The following PLBD2 variants were observed in gnomAD, a reference collection of about 807,000 sequenced individuals.
PLBD2 encodes the protein putative aminopeptidase PLBD2.
Under a neutral mutation model 68.3 loss-of-function variants are expected in PLBD2, and 51 were observed. The observed-to-expected ratio is 0.75, with a 90% confidence interval of 0.60 to 0.94. The LOEUF is 0.94. Among genes scored for constraint, PLBD2 ranks in the 40% least tolerant of loss-of-function variants. The pLI, the probability that PLBD2 is intolerant of heterozygous loss-of-function variation, is 0.00. For missense variants in PLBD2, 729 were observed against 792.2 expected (o/e 0.92, Z 0.96); for synonymous variants, 314 against 339.3 (o/e 0.93, Z 0.82).
chr12:113,389,234 T>C lies in PLBD2; in HGVS notation c.*608T>C, dbSNP rs902364426. On this transcript the variant is annotated 3_prime_UTR_variant, in exon 12 of 12. Transcript: ENST00000280800. ...CCATCTGTGGCTGGAGGGTTCTGAA[T>C]GTCCTCTCTCCATGTCAGGCAGAGG... The C allele has an allele frequency of 2.6e-5, 4 of 152,688 alleles. No homozygotes were observed. The highest frequency in any genetic ancestry group is 9.7e-5 in the African/African-American group (4 of 41,424). 9.5% of individuals were successfully genotyped at this position (152,688 alleles called of 1,614,324 possible). A position where few individuals can be genotyped will look rare whatever the true frequency, so the allele number is the denominator to read the frequency against.
intron 3 of PLBD2, among the ~76,000 whole-genome samples, chr12:113,373,139 G>A (rs1957404485): frequency 6.6e-6 from 1 of 152,220 alleles, no homozygotes. Flanking sequence ...GATTACATTG[G>A]ATGCAAGTAA....
intron 6 of PLBD2, among the ~76,000 whole-genome samples, chr12:113,382,447 AT>A (rs111407528): frequency 9.4e-5 from 14 of 148,360 alleles, no homozygotes; most frequent in Admixed American, 1.4e-4. Context: ...AAATTTCAGG[AT>A]TTTTTTTTTT....
chr12:113,367,748 CAAAAAA>C (rs563757349), intron 1 of PLBD2, among the ~76,000 whole-genome samples: 2 of 64,290 alleles, frequency 3.1e-5, no homozygotes, highest in African/African-American at 1.1e-4. Flanking sequence ...GATGCTGTCT[CAAAAAA>C]AAAAAAAAAA....
intron 1 of PLBD2, among the ~76,000 whole-genome samples, chr12:113,360,640 A>G (rs7973331): frequency 6.6e-6 from 1 of 152,284 alleles, no homozygotes; most frequent in South Asian, 2.1e-4. Flanking sequence ...CACAGAAAGC[A>G]CTGTTTATTT....
chr12:113,373,191 C>T (rs1012806073), intron 3 of PLBD2, among the ~76,000 whole-genome samples: 3 of 152,178 alleles, frequency 2.0e-5, no homozygotes, highest in Non-Finnish European at 2.9e-5. Flanking sequence ...CCAGAAAATC[C>T]CAGAAAGTCT....
rs1419288544 is a variant in PLBD2 at position 113,389,071 on chromosome 12, G to A, written c.*445G>A. ...GCCCTGGAGCTGGTGAGCTTTGTCT[G>A]GGCGTTGTCTTCGGCTGGCATTGCT... On this transcript the variant is annotated 3_prime_UTR_variant, in exon 12 of 12. Transcript: ENST00000280800. 6.5e-6 allele frequency: 1 copy of A among 154,310 alleles called. No individual in the cohort carries two copies. Among genetic ancestry groups the A allele is most frequent in the African/African-American group, 2.4e-5 (1 of 41,554 alleles). 9.6% of individuals were successfully genotyped at this position (154,310 alleles called of 1,614,324 possible).
At chr12:113,373,728 C>T (rs1957410490) in intron 3 of PLBD2, among the ~76,000 whole-genome samples, 1 of 151,116 alleles carries the variant, frequency 6.6e-6, no homozygotes, top group Non-Finnish European at 1.5e-5. Context: ...TCCACCCACC[C>T]ACCCACTCAC....
chr12:113,384,355 G>A lies in PLBD2; in HGVS notation c.1118+90G>A. On this transcript the variant is annotated intron_variant, in intron 7 of 11. Transcript: ENST00000280800. This position sits in a 1 kb window ranked among gnomAD's most constrained non-coding sequence, Gnocchi z 4.2. ...ACTCACACTCCTGGGGACCAGATGTGGCATCCGGGCCACACACCCCACGCC... is the reference window on the plus strand; with the variant it reads ...ACTCACACTCCTGGGGACCAGATGTAGCATCCGGGCCACACACCCCACGCC... The A allele has an allele frequency of 1.4e-5, 20 of 1,467,034 alleles. No individual in the cohort carries two copies. The South Asian group carries it at 2.4e-4, about 17-fold the overall frequency. The allele number at this position is 1,467,034 out of a possible 1,614,324, so 90.9% of individuals were successfully genotyped here.
intron 1 of PLBD2, among the ~76,000 whole-genome samples, chr12:113,362,824 A>T (rs1407261372): frequency 2.0e-5 from 3 of 150,454 alleles, no homozygotes; most frequent in African/African-American, 7.3e-5. Context: ...CTGCTCTGTT[A>T]CCCAGGCTGG....
At chr12:113,359,905 G>A (rs535070782) in intron 1 of PLBD2, among the ~76,000 whole-genome samples, 1 of 152,172 alleles carries the variant, frequency 6.6e-6, no homozygotes, top group African/African-American at 2.4e-5. Flanking sequence ...TAGGGAACCC[G>A]GGGTGCATCC....
At chr12:113,364,823 C>T (rs1351081942) in intron 1 of PLBD2, among the ~76,000 whole-genome samples, 1 of 152,062 alleles carries the variant, frequency 6.6e-6, no homozygotes, top group African/African-American at 2.4e-5. Flanking sequence ...TCTCCTGGCA[C>T]ATGCCACAGC....
chr12:113,384,903 C>T lies in PLBD2; in HGVS notation c.1171C>T (p.Pro391Ser), dbSNP rs1267503394. 1.2e-6 allele frequency: 2 copies of T among 1,613,868 alleles called. No homozygotes were observed. The highest frequency in any genetic ancestry group is 2.7e-5 in the African/African-American group (2 of 74,940). ...VDYKAFIPGG[P>S]SPGSRVLTIL... is the part of the protein sequence containing the mutation. Reference sequence around the variant, plus strand: ...CTACAAGGCGTTCATCCCGGGTGGGCCCAGCCCCGGGAGCCGGGTGCTTAC... The same window carrying T: ...CTACAAGGCGTTCATCCCGGGTGGGTCCAGCCCCGGGAGCCGGGTGCTTAC... The change falls in exon 8 of 12, where the codon CCC (proline) becomes TCC (serine). Residue 391 changes from proline (P) to serine (S), a missense_variant. Coordinates refer to ENST00000280800, the MANE Select transcript of PLBD2 (RefSeq NM_173542.4). This position sits in a 1 kb window ranked among gnomAD's most constrained non-coding sequence, Gnocchi z 4.2.
intron 3 of PLBD2, among the ~76,000 whole-genome samples, 169 bp from the exon 4 acceptor site, chr12:113,374,305 G>A (rs1407269555): frequency 6.6e-6 from 1 of 152,158 alleles, no homozygotes; most frequent in Non-Finnish European, 1.5e-5. Context: ...GCTCAGCATG[G>A]AGGGGTGGGT....
At chr12:113,370,129 A>G (rs954095845) in intron 2 of PLBD2, among the ~76,000 whole-genome samples, 1 of 152,034 alleles carries the variant, frequency 6.6e-6, no homozygotes, top group African/African-American at 2.4e-5. Context: ...CAAACTCCTG[A>G]CCTCAAGTGA....
At position 113,387,064 on chromosome 12, in the gene PLBD2, A is replaced by G. The variant is rs1475208531; in HGVS notation, c.1414A>G (p.Met472Val). Residue 472 changes from methionine to valine, a missense_variant, in exon 10 of 12, where the codon ATG becomes GTG. Transcript: ENST00000280800. ...FRRNQSLVQD[M>V]DSMVRLMRYN... Reference sequence around the variant, plus strand: ...GCGGAACCAGTCACTGGTACAAGACATGGACTCCATGGTCAGGCTGATGAG... The same window carrying G: ...GCGGAACCAGTCACTGGTACAAGACGTGGACTCCATGGTCAGGCTGATGAG... 7 of 1,603,046 alleles carry G rather than the reference A, an allele frequency of 4.4e-6. No individual in the cohort carries two copies. Among genetic ancestry groups the G allele is most frequent in the Non-Finnish European group, 6.0e-6 (7 of 1,175,128 alleles).
In PLBD2 at chr12:113,389,470, G is replaced by C. The variant is rs1957588670; in HGVS notation, c.*844G>C. ...TTTTCTCCTCTCAGGTTTGGGTTCT[G>C]CGCCATCCCCCATGCAGCCTCCTGT... On this transcript the variant is annotated 3_prime_UTR_variant, in exon 12 of 12. Coordinates refer to ENST00000280800, the MANE Select transcript of PLBD2 (RefSeq NM_173542.4). The C allele has an allele frequency of 6.6e-6, 1 of 152,382 alleles. No individual in the cohort carries two copies. Among genetic ancestry groups the C allele is most frequent in the Non-Finnish European group, 1.5e-5 (1 of 68,216 alleles). The allele number at this position is 152,382 out of a possible 1,614,324, so 9.4% of individuals were successfully genotyped here.
intron 5 of PLBD2, among the ~76,000 whole-genome samples, chr12:113,375,905 G>C (rs1386214678): frequency 6.6e-6 from 1 of 152,162 alleles, no homozygotes; most frequent in Non-Finnish European, 1.5e-5. Context: ...CCAGGCTGGA[G>C]TGCAGTGGCA....
At chr12:113,367,759 A>AAAAAAG (rs1555205485) in intron 1 of PLBD2, among the ~76,000 whole-genome samples, 48 of 148,146 alleles carry the variant, frequency 3.2e-4, no homozygotes, top group African/African-American at 9.6e-4. Flanking sequence ...AAAAAAAAAA[A>AAAAAAG]AAAAAAGAAA....
chr12:113,358,647 C>A lies in PLBD2; in HGVS notation c.47C>A (p.Ala16Glu). Residue 16 changes from alanine to glutamate, a missense_variant, in exon 1 of 12, where the codon GCG (alanine) becomes GAG (glutamate). Transcript: ENST00000280800. ...TACCCCGGCAGCCACCTGGCCCGGG[C>A]GCTGACGCGGGCGCTGGCGCTGGCC... is the stretch of plus-strand genomic sequence containing the variant. ...YCYPGSHLAR[A>E]LTRALALALV... is the part of the protein sequence containing the mutation. 7 of 1,463,492 alleles carry A rather than the reference C, an allele frequency of 4.8e-6. No individual in the cohort carries two copies. The highest frequency in any genetic ancestry group is 6.3e-6 in the Non-Finnish European group (7 of 1,114,822). The allele number at this position is 1,463,492 out of a possible 1,614,324, so 90.7% of individuals were successfully genotyped here. A position where few individuals can be genotyped will look rare whatever the true frequency, so the allele number is the denominator to read the frequency against.
Sources: gnomAD v4.1 joint callset for allele counts (sites outside exome capture counted in the v4.1 genomes callset) on GRCh38, gnomAD v4.1.1 for gene constraint, Gnocchi (gnomAD v3.1) non-coding constraint, MANE v1.5 for transcripts, NCBI Gene and HGNC (gene_info 2026-07-23, HGNC 2026-07-21) for gene names.